ADAMTS5: variants seen among roughly 807,000 people sequenced by gnomAD.
ADAMTS5 encodes A disintegrin and metalloproteinase with thrombospondin motifs 5.
A neutral mutation model predicts 81.4 loss-of-function variants in ADAMTS5; 54 were observed. The ratio of observed to expected loss-of-function variants is 0.66; its 90% CI spans 0.53 to 0.83. The LOEUF (loss-of-function observed/expected upper bound fraction) is 0.83. Ranked by LOEUF, ADAMTS5 falls within the 40% of genes least tolerant of loss-of-function variation. The pLI is 0.00. For synonymous variants in ADAMTS5, 532 were observed against 508.8 expected (o/e 1.05, Z -0.61); for missense variants, 1,194 against 1,229.9 (o/e 0.97, Z 0.44).
At chr21:26,938,421 G>T (rs162490) in intron 3 of ADAMTS5, among the ~76,000 whole-genome samples, 37,461 of 152,118 alleles carry the variant, frequency 0.25, 5,578 homozygotes, top group Non-Finnish European at 0.34. Context: ...TAAAGGTGTT[G>T]GAAGGAATGC....
At chr21:26,950,756 C>A (rs1325592693) in intron 2 of ADAMTS5, among the ~76,000 whole-genome samples, 1 of 152,170 alleles carries the variant, frequency 6.6e-6, no homozygotes, top group African/African-American at 2.4e-5. Flanking sequence ...TCATTTTTAA[C>A]CTGTGTCATT....
chr21:26,934,814 T>A (rs1422619225), intron 3 of ADAMTS5, 65 bp from the exon 4 acceptor site: 2 of 1,577,924 alleles, frequency 1.3e-6, no homozygotes, highest in Non-Finnish European at 1.7e-6. Context: ...AAATCATGGA[T>A]CTAAAAATGA....
intron 1 of ADAMTS5, among the ~76,000 whole-genome samples, chr21:26,959,599 A>T (rs1389693190): frequency 6.6e-6 from 1 of 152,188 alleles, no homozygotes; most frequent in Non-Finnish European, 1.5e-5. Flanking sequence ...GCAAATAAAG[A>T]ATATCCTGGT....
In ADAMTS5 at chr21:26,924,596, C is replaced by A. The variant is rs1986772227; in HGVS notation, c.2250G>T (p.Arg750Ser). 3 of 1,613,380 alleles carry A rather than the reference C, an allele frequency of 1.9e-6. No individual in the cohort carries two copies. Among genetic ancestry groups the A allele is most frequent in the Non-Finnish European group, 2.5e-6 (3 of 1,179,732 alleles). Residue 750 changes from arginine (R) to serine (S), a missense_variant, in exon 8 of 8, where the codon AGG (arginine) becomes AGT (serine). By Grantham distance (110) the Arg-to-Ser change is moderately radical (BLOSUM62 -1). This residue lies in a region of ADAMTS5 where 696 missense variants were observed against 817.6 expected (regional missense o/e 0.85). Transcript: ENST00000284987. ...TTATGTGGGTTGCCCCTTCAGGAAT[C>A]CTCACCACGTCAGTGTAACCCTTAC... ...KKSKGYTDVV[R>S]IPEGATHIKV...
chr21:26,955,584 A>G (rs1376015242), intron 1 of ADAMTS5, among the ~76,000 whole-genome samples: 3 of 152,234 alleles, frequency 2.0e-5, no homozygotes, highest in African/African-American at 7.2e-5. Context: ...AGATTCTCAA[A>G]TAGGAACATG....
In ADAMTS5 at chr21:26,919,591, T is replaced by C. The variant is rs1986651566; in HGVS notation, c.*4462A>G. On this transcript the variant is annotated 3_prime_UTR_variant, in exon 8 of 8. Coordinates refer to ENST00000284987, the MANE Select transcript of ADAMTS5 (RefSeq NM_007038.5). ...GCATTTACCAGACTGAATGTTTTGC[T>C]GATCTGAACACTACCTGTATTCCAA... is the stretch of plus-strand genomic sequence containing the variant. 3 of 152,116 alleles carry C rather than the reference T, an allele frequency of 2.0e-5. No homozygotes were observed. The highest frequency in any genetic ancestry group is 6.6e-5 in the Admixed American group (1 of 15,254). The allele number at this position is 152,116 out of a possible 1,614,324, so 9.4% of individuals were successfully genotyped here.
At chr21:26,937,611 C>A (rs566125012) in intron 3 of ADAMTS5, among the ~76,000 whole-genome samples, 2 of 152,266 alleles carry the variant, frequency 1.3e-5, no homozygotes, top group East Asian at 3.9e-4. Context: ...AAGTCTGAAA[C>A]TCACAGTATA....
At chr21:26,933,983 G>T (rs1254578866) in intron 4 of ADAMTS5, among the ~76,000 whole-genome samples, 1 of 152,172 alleles carries the variant, frequency 6.6e-6, no homozygotes, top group African/African-American at 2.4e-5. Flanking sequence ...TTTCCCCGGA[G>T]CAGTCGTAAG....
In ADAMTS5 at chr21:26,933,003, G is replaced by T. The variant is rs764028025; in HGVS notation, c.1731C>A (p.Gly577=). ...HGNWGSWGSW[G]QCSRSCGGGV... ...CTCCTCCACATGAGCGAGAACACTGGCCCCAGGATCCCCAAGATCCCCAGT... is the reference window on the plus strand; with the variant it reads ...CTCCTCCACATGAGCGAGAACACTGTCCCCAGGATCCCCAAGATCCCCAGT... The change falls in exon 5 of 8, where the codon GGC becomes GGA. Residue 577 remains glycine (G), a synonymous_variant. Coordinates refer to ENST00000284987, the MANE Select transcript of ADAMTS5 (RefSeq NM_007038.5). 1 of 1,613,638 alleles carries T rather than the reference G, an allele frequency of 6.2e-7. No homozygotes were observed. The highest frequency in any genetic ancestry group is 1.1e-5 in the South Asian group (1 of 90,958).
Position 26,921,705 on chromosome 21 carries a change from G to C in ADAMTS5, c.*2348C>G, listed in dbSNP as rs1986700987. 1.3e-5 allele frequency: 2 copies of C among 152,364 alleles called. No homozygotes were observed. Among genetic ancestry groups the C allele is most frequent in the African/African-American group, 4.8e-5 (2 of 41,384 alleles). 9.4% of individuals were successfully genotyped at this position (152,364 alleles called of 1,614,324 possible). On this transcript the variant is annotated 3_prime_UTR_variant, in exon 8 of 8. Transcript: ENST00000284987. ...ATACATTCCTCAGTCAATCTAGTGA[G>C]ACTCATAAGAAAAAGGTGGAGAAAA...
Position 26,933,829 on chromosome 21 carries a change from C to G in ADAMTS5, c.1689+637G>C, listed in dbSNP as rs7282622. ...GGTTGGGTGATGCCCTGGAAAGATA[C>G]AGGCAATGGGCACAGGATAATTCTC... On this transcript the variant is annotated intron_variant, in intron 4 of 7. Transcript: ENST00000284987. 3.6e-3 allele frequency among the ~76,000 whole-genome samples: 544 copies of G among 152,292 alleles called. 4 individuals carry two copies. Among genetic ancestry groups the G allele is most frequent in the African/African-American group, 0.012 (497 of 41,566 alleles).
At chr21:26,964,840 A>G (rs1987605560) in intron 1 of ADAMTS5, among the ~76,000 whole-genome samples, 1 of 152,256 alleles carries the variant, frequency 6.6e-6, no homozygotes, top group Admixed American at 6.5e-5. Context: ...ATCGGATAAC[A>G]GTGAGTACCG....
intron 3 of ADAMTS5, among the ~76,000 whole-genome samples, chr21:26,940,024 T>G (rs1987083826): frequency 6.6e-6 from 1 of 152,204 alleles, no homozygotes; most frequent in Non-Finnish European, 1.5e-5. Context: ...TGCATATTTC[T>G]TGTTGGAACT....
chr21:26,929,859 A>G (rs1986872823), intron 7 of ADAMTS5, 27 bp downstream of exon 7: 2 of 1,603,484 alleles, frequency 1.2e-6, no homozygotes, highest in African/African-American at 1.3e-5. Flanking sequence ...TTCAATTCAC[A>G]TAAAGACAAA....
At chr21:26,959,987 AC>A (rs2098076665) in intron 1 of ADAMTS5, among the ~76,000 whole-genome samples, 2 of 152,156 alleles carry the variant, frequency 1.3e-5, no homozygotes, top group Admixed American at 6.5e-5. Flanking sequence ...AAAACCTGGC[AC>A]ACTACAGCCT....
intron 1 of ADAMTS5, among the ~76,000 whole-genome samples, chr21:26,961,166 T>C (rs1380455187): frequency 6.6e-6 from 1 of 152,242 alleles, no homozygotes; most frequent in Admixed American, 6.5e-5. Context: ...TGCCATTTGT[T>C]AGCTGTTAGT....
intron 1 of ADAMTS5, among the ~76,000 whole-genome samples, chr21:26,958,010 CT>C (rs1396625349): frequency 5.3e-5 from 8 of 152,170 alleles, no homozygotes. Flanking sequence ...AGGATGCTGC[CT>C]TGAGAAGCAG....
intron 2 of ADAMTS5, among the ~76,000 whole-genome samples, chr21:26,951,577 G>C (rs1316090962): frequency 6.6e-6 from 1 of 150,828 alleles, no homozygotes. Context: ...TGCTTGGGGG[G>C]CTGAGGCAGG....
rs73899335 is a variant in ADAMTS5 at position 26,936,101 on chromosome 21, C to T, written c.1406-1352G>A. Among the ~76,000 whole-genome samples, 623 of 152,288 alleles carry T rather than the reference C, an allele frequency of 4.1e-3. 3 individuals are homozygous for T. The highest frequency in any genetic ancestry group is 0.015 in the African/African-American group (611 of 41,566). On this transcript the variant is annotated intron_variant, in intron 3 of 7. Transcript: ENST00000284987. Reference sequence around the variant, plus strand: ...AGAGCCTGCCCTTTTCTTCTGATGCCATATGGCTTCTGTTAGCATGTGAGT... The same window carrying T: ...AGAGCCTGCCCTTTTCTTCTGATGCTATATGGCTTCTGTTAGCATGTGAGT...
Sources: gnomAD v4.1 joint callset for allele counts (sites outside exome capture counted in the v4.1 genomes callset) on GRCh38, gnomAD v4.1.1 for gene constraint, gnomAD v4.1.1 regional missense constraint, MANE v1.5 for transcripts, NCBI Gene and HGNC (gene_info 2026-07-23, HGNC 2026-07-21) for gene names.